Variants in SNTB2 observed in about 807,000 individuals in gnomAD.
SNTB2 encodes beta-2-syntrophin.
In SNTB2, 34 loss-of-function variants were observed where a neutral mutation model predicts 46.2. That is an observed-to-expected ratio of 0.74 (90% confidence interval 0.56 to 0.98). The LOEUF (loss-of-function observed/expected upper bound fraction) is 0.98, where lower values mean the gene tolerates loss of function less well. SNTB2 is among the 50% of genes least tolerant of loss of function. SNTB2 has a pLI of 0.00. For missense variants in SNTB2, 603 were observed against 731.4 expected (o/e 0.82, Z 2.02); for synonymous variants, 290 against 312.6 (o/e 0.93, Z 0.76).
chr16:69,235,289 C>T (rs574167551), intron 1 of SNTB2, among the ~76,000 whole-genome samples: 3 of 152,024 alleles, frequency 2.0e-5, no homozygotes, highest in African/African-American at 7.2e-5. Flanking sequence ...TTTAATTTTA[C>T]GTAGAATAGG....
intron 3 of SNTB2, 69 bp downstream of exon 3, chr16:69,260,329 AT>A: frequency 7.3e-7 from 1 of 1,369,506 alleles, no homozygotes; most frequent in African/African-American, 1.4e-5. Flanking sequence ...CTCATTTAAT[AT>A]ATCTGTAATA....
intron 1 of SNTB2, among the ~76,000 whole-genome samples, chr16:69,210,253 TTTGA>T (rs1964267530): frequency 6.6e-6 from 1 of 151,958 alleles, no homozygotes; most frequent in Non-Finnish European, 1.5e-5. Flanking sequence ...GGTTTGGTTT[TTTGA>T]GATGGAATAT....
rs781675839 is a variant in SNTB2, at chr16:69,284,073, C to G, written c.1174C>G (p.Arg392Gly). The G allele has an allele frequency of 3.1e-6, 5 of 1,612,674 alleles. No homozygotes were observed. The African/African-American group carries it at 5.3e-5, about 17-fold the overall frequency. Reference sequence around the variant, plus strand: ...GTTGGTTCATTCTGGCTCCGGATGTCGATCCCCCTCCCTTGGATCTGACCT... The same window carrying G: ...GTTGGTTCATTCTGGCTCCGGATGTGGATCCCCCTCCCTTGGATCTGACCT... ...TRLVHSGSGC[R>G]SPSLGSDLTF... Residue 392 changes from arginine (R) to glycine (G), a missense_variant, in exon 5 of 7, where the codon CGA becomes GGA. By Grantham distance (125) the Arg-to-Gly change is moderately radical. This residue lies in a region of SNTB2 where 537 missense variants were observed against 692.4 expected (regional missense o/e 0.78). Transcript: ENST00000336278.
chr16:69,292,377 TATTATATATATATTATATA>T (rs1402163278), intron 5 of SNTB2, among the ~76,000 whole-genome samples: 2 of 38,864 alleles, frequency 5.1e-5, no homozygotes, highest in Non-Finnish European at 4.6e-5. Context: ...TATATATATA[TATTATATATATATTATATA>T]TATATATATA....
chr16:69,190,293 C>G (rs960444162), intron 1 of SNTB2, among the ~76,000 whole-genome samples: 1 of 152,192 alleles, frequency 6.6e-6, no homozygotes, highest in Non-Finnish European at 1.5e-5. Flanking sequence ...CAGGGAATTT[C>G]AGGCACACTT....
chr16:69,274,558 C>T (rs538604522), intron 4 of SNTB2, among the ~76,000 whole-genome samples: 2 of 150,258 alleles, frequency 1.3e-5, no homozygotes, highest in East Asian at 2.0e-4. Flanking sequence ...GAGGCTGAGG[C>T]AGGAGAATGG....
intron 2 of SNTB2, among the ~76,000 whole-genome samples, chr16:69,251,309 G>C (rs1964723391): frequency 6.6e-6 from 1 of 151,060 alleles, no homozygotes; most frequent in African/African-American, 2.4e-5. Context: ...ATAGTCACTT[G>C]AACAATTTCC....
At chr16:69,245,396 C>T (rs1044177117) in intron 1 of SNTB2, among the ~76,000 whole-genome samples, 6 of 151,978 alleles carry the variant, frequency 3.9e-5, no homozygotes, top group African/African-American at 1.4e-4. Flanking sequence ...GGTTTCACTA[C>T]GTTGACCAGG....
At position 69,297,880 on chromosome 16, in the gene SNTB2, C is replaced by A. The variant is rs1003931949; in HGVS notation, c.1346-1710C>A. The stretch of plus-strand genomic sequence containing the variant: ...AATGAACCGAGATCACGCCACTGCA[C>A]CCCAGCCTGGGTGACAGAAGGAGAT... On this transcript the variant is annotated intron_variant, in intron 5 of 6. Coordinates refer to ENST00000336278, the MANE Select transcript of SNTB2 (RefSeq NM_006750.4). 8.6e-5 allele frequency among the ~76,000 whole-genome samples: 13 copies of A among 151,830 alleles called. 1 individual carries two copies. Among genetic ancestry groups the A allele is most frequent in the African/African-American group, 3.1e-4 (13 of 41,358 alleles).
intron 1 of SNTB2, among the ~76,000 whole-genome samples, chr16:69,207,702 T>C (rs959472130): frequency 3.3e-5 from 5 of 152,166 alleles, no homozygotes; most frequent in African/African-American, 9.7e-5. Context: ...CAGGAAACAT[T>C]ATCAAAACCT....
intron 1 of SNTB2, among the ~76,000 whole-genome samples, chr16:69,210,295 TGGCGC>T (rs1964269508): frequency 6.6e-6 from 1 of 152,084 alleles, no homozygotes; most frequent in Admixed American, 6.6e-5. Flanking sequence ...TGGAGTGCAG[TGGCGC>T]AGTCTTGGCT....
At chr16:69,200,928 G>A (rs1964154738) in intron 1 of SNTB2, among the ~76,000 whole-genome samples, 1 of 152,196 alleles carries the variant, frequency 6.6e-6, no homozygotes, top group South Asian at 2.1e-4. Flanking sequence ...TTCTTGTGGG[G>A]TAATGGCAGA....
intron 4 of SNTB2, among the ~76,000 whole-genome samples, chr16:69,281,862 A>G (rs2143153616): frequency 6.6e-6 from 1 of 151,358 alleles, no homozygotes; most frequent in Non-Finnish European, 1.5e-5. Flanking sequence ...AAAGAAAGAA[A>G]GAAAAGACCA....
At position 69,303,797 on chromosome 16, in the gene SNTB2, G is replaced by A. The variant is rs1567419144; in HGVS notation, c.*2873G>A. The A allele has an allele frequency of 6.6e-6, 1 of 152,606 alleles. No homozygotes were observed. Among genetic ancestry groups the A allele is most frequent in the Non-Finnish European group, 1.5e-5 (1 of 68,042 alleles). 9.5% of individuals were successfully genotyped at this position (152,606 alleles called of 1,614,324 possible). A position where few individuals can be genotyped will look rare whatever the true frequency, so the allele number is the denominator to read the frequency against. On this transcript the variant is annotated 3_prime_UTR_variant, in exon 7 of 7. Transcript: ENST00000336278. Reference sequence around the variant, plus strand: ...ATTTATATTTAGATGCCAAAGTATGGCAAATTATTTCCAAATGATAACTAC... The same window carrying A: ...ATTTATATTTAGATGCCAAAGTATGACAAATTATTTCCAAATGATAACTAC...
chr16:69,198,021 G>A (rs1376874767), intron 1 of SNTB2, among the ~76,000 whole-genome samples: 2 of 151,566 alleles, frequency 1.3e-5, no homozygotes, highest in East Asian at 1.9e-4. Context: ...AAAGACTAAA[G>A]TGAATTCTGG....
rs530940966 is a variant in SNTB2 at position 69,189,583 on chromosome 16, G to A, written c.580+1837G>A. 5.9e-5 allele frequency among the ~76,000 whole-genome samples: 9 copies of A among 151,968 alleles called. No individual in the cohort carries two copies. The South Asian group carries it at 6.2e-4, about 11-fold the overall frequency. Reference sequence around the variant, plus strand: ...GAAACCTCGTCTCTACTAAAAATACGAAAATTAGCCAGGCGTGGTGGCAGA... The same window carrying A: ...GAAACCTCGTCTCTACTAAAAATACAAAAATTAGCCAGGCGTGGTGGCAGA... On this transcript the variant is annotated intron_variant, in intron 1 of 6. Coordinates refer to ENST00000336278, the MANE Select transcript of SNTB2 (RefSeq NM_006750.4).
At chr16:69,241,672 A>G (rs933500599) in intron 1 of SNTB2, among the ~76,000 whole-genome samples, 15 of 151,314 alleles carry the variant, frequency 9.9e-5, no homozygotes, top group African/African-American at 3.6e-4. Context: ...GCTCATACCT[A>G]TAATCCCAGC....
At chr16:69,280,065 T>C (rs1965025044) in intron 4 of SNTB2, among the ~76,000 whole-genome samples, 1 of 152,112 alleles carries the variant, frequency 6.6e-6, no homozygotes, top group Non-Finnish European at 1.5e-5. Flanking sequence ...TGATGACTCT[T>C]AACGAGCATG....
chr16:69,292,619 T>G (rs1009960067), intron 5 of SNTB2, among the ~76,000 whole-genome samples: 15 of 143,660 alleles, frequency 1.0e-4, no homozygotes, highest in Non-Finnish European at 1.8e-4. Context: ...TTTTTTTTTT[T>G]TTTTTGCATT....
Sources: allele counts gnomAD v4.1 joint callset (sites outside exome capture counted in the v4.1 genomes callset), GRCh38; gene constraint gnomAD v4.1.1; regional missense constraint gnomAD v4.1.1; transcripts MANE v1.5; gene names NCBI Gene and HGNC (gene_info 2026-07-23, HGNC 2026-07-21).